Variants in AGAP1 observed in about 807,000 individuals in gnomAD.
AGAP1 encodes the protein ArfGAP with GTPase domain, ankyrin repeat and PH domain 1.
AGAP1 carries 29 observed loss-of-function variants against 105.3 expected under a neutral mutation model. The observed-to-expected ratio is 0.28, with a 90% CI of 0.21 to 0.38. The LOEUF (loss-of-function observed/expected upper bound fraction) is 0.38. AGAP1 is among the 10% of genes least tolerant of loss of function. AGAP1 has a pLI of 1.00. For synonymous variants in AGAP1, 509 were observed against 485.9 expected, an observed-to-expected ratio of 1.05 and a Z score of -0.63; for missense variants, 998 against 1,165.1, an observed-to-expected ratio of 0.86 and a Z score of 2.09.
At position 235,600,227 on chromosome 2, in the gene AGAP1, G is replaced by A. The variant is rs896115306; in HGVS notation, c.163+105378G>A. The stretch of plus-strand genomic sequence containing the variant: ...AGGGCCAGAGCTGATGATCTAATTC[G>A]GATGATTTATGGCCTCTGTTTACCC... On this transcript the variant is annotated intron_variant, in intron 1 of 17. Coordinates refer to ENST00000304032, the MANE Select transcript of AGAP1 (RefSeq NM_001037131.3). This position sits in a 1 kb window ranked among gnomAD's most constrained non-coding sequence, Gnocchi z 4.8. 6.6e-6 allele frequency among the ~76,000 whole-genome samples: 1 copy of A among 152,138 alleles called. No homozygotes were observed. Among genetic ancestry groups the A allele is most frequent in the African/African-American group, 2.4e-5 (1 of 41,416 alleles).
chr2:236,086,356 T>A (rs1434476204), intron 16 of AGAP1, among the ~76,000 whole-genome samples: 10 of 152,210 alleles, frequency 6.6e-5, no homozygotes, highest in Middle Eastern at 3.2e-3. Context: ...TTAAACTGAT[T>A]TATGCTAAAG....
rs1255422458 is a variant in AGAP1, at chr2:235,744,897, A to C, written c.538+58A>C. 1 of 1,558,136 alleles carries C rather than the reference A, an allele frequency of 6.4e-7. No individual in the cohort carries two copies. Among genetic ancestry groups the C allele is most frequent in the Non-Finnish European group, 8.7e-7 (1 of 1,148,812 alleles). On this transcript the variant is annotated intron_variant, in intron 5 of 17. Coordinates refer to ENST00000304032, the MANE Select transcript of AGAP1 (RefSeq NM_001037131.3). The surrounding 1 kb of genome is among the most constrained non-coding windows in gnomAD (Gnocchi z 5.2). Reference sequence around the variant, plus strand: ...AGGGTTCTAACAGTTACATATTTTCAGTATGGAGGAGTTTAAAAAATGCTT... The same window carrying C: ...AGGGTTCTAACAGTTACATATTTTCCGTATGGAGGAGTTTAAAAAATGCTT...
Position 235,992,306 on chromosome 2 carries a change from G to A in AGAP1, c.1645+23683G>A. ...TCTTCCTGGCGGGTGGCCTGGGCGA[G>A]TGCCTCACGCTCCCGTCAGTGCTCT... On this transcript the variant is annotated intron_variant, in intron 13 of 17. Coordinates refer to ENST00000304032, the MANE Select transcript of AGAP1 (RefSeq NM_001037131.3). The surrounding 1 kb of genome is among the most constrained non-coding windows in gnomAD (Gnocchi z 4.8). 6.6e-6 allele frequency among the ~76,000 whole-genome samples: 1 copy of A among 152,330 alleles called. No individual in the cohort carries two copies. Among genetic ancestry groups the A allele is most frequent in the East Asian group, 1.9e-4 (1 of 5,176 alleles).
At chr2:235,707,310 C>G (rs1436442954) in intron 1 of AGAP1, among the ~76,000 whole-genome samples, 1 of 147,534 alleles carries the variant, frequency 6.8e-6, no homozygotes, top group East Asian at 2.0e-4. Context: ...AGTCTCTGCC[C>G]TCTAGAGATC....
In AGAP1 at chr2:235,883,844, CAAT is replaced by C. The variant is rs1321367920; in HGVS notation, c.1155+399_1155+401del. 1.3e-5 allele frequency among the ~76,000 whole-genome samples: 2 copies of C among 152,144 alleles called. No homozygotes were observed. Among genetic ancestry groups the C allele is most frequent in the Non-Finnish European group, 2.9e-5 (2 of 68,024 alleles). ...GGATTTAGCTTTGAAAAGCTGTGAACAATAATCAGAAGTCAAATGCAATTCATG... is the reference window on the plus strand; with the variant it reads ...GGATTTAGCTTTGAAAAGCTGTGAACAATCAGAAGTCAAATGCAATTCATG... On this transcript the variant is annotated intron_variant, in intron 10 of 17. Transcript: ENST00000304032. The surrounding 1 kb of genome is among the most constrained non-coding windows in gnomAD (Gnocchi z 4.5).
At chr2:235,779,803 A>G (rs912160358) in intron 6 of AGAP1, among the ~76,000 whole-genome samples, 1 of 152,224 alleles carries the variant, frequency 6.6e-6, no homozygotes. Context: ...GTGATAGGAA[A>G]CTGGAAGCTC....
intron 1 of AGAP1, among the ~76,000 whole-genome samples, chr2:235,567,758 G>C (rs1037247422): frequency 1.9e-5 from 2 of 104,662 alleles, no homozygotes; most frequent in African/African-American, 7.1e-5. Context: ...GGCAGGGTGG[G>C]AATTGTCCAC....
Position 235,903,295 on chromosome 2 carries a change from G to A in AGAP1, c.1156-5443G>A, listed in dbSNP as rs193074672. ...GTCTTAATACTTTTTTGAAGTATAC[G>A]TAAAAATGGAGTATGCTGATTACAT... On this transcript the variant is annotated intron_variant, in intron 10 of 17. Coordinates refer to ENST00000304032, the MANE Select transcript of AGAP1 (RefSeq NM_001037131.3). Among the ~76,000 whole-genome samples, 468 of 152,124 alleles carry A rather than the reference G, an allele frequency of 3.1e-3. 5 individuals carry two copies. Among genetic ancestry groups the A allele is most frequent in the African/African-American group, 0.01 (417 of 41,508 alleles).
intron 9 of AGAP1, among the ~76,000 whole-genome samples, chr2:235,838,055 G>A (rs944065465): frequency 3.9e-5 from 6 of 152,136 alleles, no homozygotes; most frequent in African/African-American, 1.4e-4. Flanking sequence ...GCGTCGTGGT[G>A]TGCACATGTA....
In AGAP1 at chr2:235,657,931, CA is replaced by C. The variant is rs536035300; in HGVS notation, c.164-51247del. ...ACAGAGGAAAGACCATGTGAGGACA[CA>C]GGGGGAAGACGGCATGTCCAAGCCG... On this transcript the variant is annotated intron_variant, in intron 1 of 17. Transcript: ENST00000304032. Among the ~76,000 whole-genome samples the C allele has an allele frequency of 6.2e-3, 939 of 152,148 alleles. 8 individuals carry two copies. The highest frequency in any genetic ancestry group is 0.01 in the Non-Finnish European group (701 of 68,004).
rs975201798 is a variant in AGAP1, at chr2:235,988,540, A to G, written c.1645+19917A>G. Among the ~76,000 whole-genome samples, 2 of 152,002 alleles carry G rather than the reference A, an allele frequency of 1.3e-5. No homozygotes were observed. The highest frequency in any genetic ancestry group is 1.3e-4 in the Admixed American group (2 of 15,248). ...GGCAGGTATGGCTGTTTTTCTGAGC[A>G]GTAGGTACTTAGTCAAGGCATGCAG... On this transcript the variant is annotated intron_variant, in intron 13 of 17. Coordinates refer to ENST00000304032, the MANE Select transcript of AGAP1 (RefSeq NM_001037131.3). The surrounding 1 kb of genome is among the most constrained non-coding windows in gnomAD (Gnocchi z 4.7).
rs1946273247 is a variant in AGAP1 at position 235,615,310 on chromosome 2, T to G, written c.164-93869T>G. Among the ~76,000 whole-genome samples the G allele has an allele frequency of 6.6e-6, 1 of 152,200 alleles. No homozygotes were observed. The highest frequency in any genetic ancestry group is 2.1e-4 in the South Asian group (1 of 4,826). On this transcript the variant is annotated intron_variant, in intron 1 of 17. Transcript: ENST00000304032. This position sits in a 1 kb window ranked among gnomAD's most constrained non-coding sequence, Gnocchi z 5.0. ...TGACTACAGCATCCATCCTCCCTGC[T>G]CTGCCTCGCACTGCCTTCTAATGGG...
At chr2:235,923,125 C>T (rs1481593447) in intron 11 of AGAP1, among the ~76,000 whole-genome samples, 1 of 152,166 alleles carries the variant, frequency 6.6e-6, no homozygotes, top group South Asian at 2.1e-4. Flanking sequence ...TTTCTGAGTT[C>T]AGAATGGGCC....
chr2:235,560,848 C>T (rs1206082642), intron 1 of AGAP1, among the ~76,000 whole-genome samples: 1 of 152,202 alleles, frequency 6.6e-6, no homozygotes, highest in African/African-American at 2.4e-5. Flanking sequence ...GAGTGCACCT[C>T]CCCTTTCCAA....
At chr2:235,798,973 A>G (rs904916799) in intron 7 of AGAP1, among the ~76,000 whole-genome samples, 1 of 151,590 alleles carries the variant, frequency 6.6e-6, no homozygotes, top group Non-Finnish European at 1.5e-5. Flanking sequence ...TCCAGGTGTC[A>G]TTTTCATAAT....
chr2:235,946,259 A>G (rs1396228879), intron 12 of AGAP1, among the ~76,000 whole-genome samples: 1 of 147,672 alleles, frequency 6.8e-6, no homozygotes, highest in African/African-American at 2.5e-5. Flanking sequence ...CCCAAAGTGG[A>G]TTGGATCATA....
chr2:235,498,120 G>A (rs1240659836), intron 1 of AGAP1, among the ~76,000 whole-genome samples: 3 of 152,096 alleles, frequency 2.0e-5, no homozygotes, highest in South Asian at 2.1e-4. Flanking sequence ...ATCTCTTAAC[G>A]ATGGACTAAA....
At position 235,553,718 on chromosome 2, in the gene AGAP1, C is replaced by A. The variant is rs1051481891; in HGVS notation, c.163+58869C>A. Among the ~76,000 whole-genome samples, 1 of 152,008 alleles carries A rather than the reference C, an allele frequency of 6.6e-6. No homozygotes were observed. The highest frequency in any genetic ancestry group is 1.5e-5 in the Non-Finnish European group (1 of 68,002). ...TGGAGGGAGCCAACTGCCAGAGTCT[C>A]AAGCAGGTGAGGGTGGGGTGCAGGA... is the stretch of plus-strand genomic sequence containing the variant. On this transcript the variant is annotated intron_variant, in intron 1 of 17. Transcript: ENST00000304032. This position sits in a 1 kb window ranked among gnomAD's most constrained non-coding sequence, Gnocchi z 4.5.
rs1429781797 is a variant in AGAP1 at position 235,615,111 on chromosome 2, G to A, written c.164-94068G>A. ...GAGTGCAAGTACGCCTGACTCCTCC[G>A]CGCAGGGAATGAGCAGCCTCTGCTC... On this transcript the variant is annotated intron_variant, in intron 1 of 17. Coordinates refer to ENST00000304032, the MANE Select transcript of AGAP1 (RefSeq NM_001037131.3). The surrounding 1 kb of genome is among the most constrained non-coding windows in gnomAD (Gnocchi z 5.0). Among the ~76,000 whole-genome samples the A allele has an allele frequency of 2.0e-5, 3 of 152,170 alleles. No individual in the cohort carries two copies. The highest frequency in any genetic ancestry group is 2.9e-5 in the Non-Finnish European group (2 of 68,032).
Sources: gnomAD v4.1 joint callset for allele counts (sites outside exome capture counted in the v4.1 genomes callset) on GRCh38, gnomAD v4.1.1 for gene constraint, Gnocchi (gnomAD v3.1) non-coding constraint, MANE v1.5 for transcripts, NCBI Gene and HGNC (gene_info 2026-07-23, HGNC 2026-07-21) for gene names.